Variants in RAPGEF6 observed in about 807,000 individuals in gnomAD.
RAPGEF6 encodes the protein Rap guanine nucleotide exchange factor 6.
In RAPGEF6, 56 loss-of-function variants were observed where a neutral mutation model predicts 171.4. The ratio of observed to expected loss-of-function variants is 0.33; its 90% CI spans 0.26 to 0.41. RAPGEF6 has a LOEUF of 0.41. Ranked by LOEUF, RAPGEF6 falls within the 10% of genes least tolerant of loss-of-function variation. RAPGEF6 has a pLI of 1.00. For missense variants in RAPGEF6, 1,674 were observed against 1,921.4 expected (o/e 0.87, Z 2.41); for synonymous variants, 692 against 650.1 (o/e 1.06, Z -0.98).
At chr5:131,586,336 A>C (rs567472165) in intron 4 of RAPGEF6, among the ~76,000 whole-genome samples, 1 of 152,362 alleles carries the variant, frequency 6.6e-6, no homozygotes, top group South Asian at 2.1e-4. Flanking sequence ...TGAGGAACAG[A>C]CCTGAGAAGT....
Position 131,521,840 on chromosome 5 carries a change from TACACACACACACACACACACACACACAC to T in RAPGEF6, c.496-347_496-320del, listed in dbSNP as rs3992018. The stretch of plus-strand genomic sequence containing the variant: ...CCATTTAAGGGTAGGAATGTTACCC[TACACACACACACACACACACACACACAC>T]ACACACACACACACACACACACACT... On this transcript the variant is annotated intron_variant, in intron 6 of 27. Coordinates refer to ENST00000509018, the MANE Select transcript of RAPGEF6 (RefSeq NM_016340.6). 3.1e-5 allele frequency among the ~76,000 whole-genome samples: 3 copies of T among 97,254 alleles called. No individual in the cohort carries two copies. The South Asian group carries it at 1.5e-3, about 49-fold the overall frequency. 63.8% of individuals were successfully genotyped at this position (97,254 alleles called of 152,430 possible).
chr5:131,510,211 C>G (rs1757628824), intron 8 of RAPGEF6, 103 bp downstream of exon 8: 2 of 1,223,870 alleles, frequency 1.6e-6, no homozygotes, highest in Admixed American at 2.6e-5. Context: ...AATGGCTTAA[C>G]ACAACACACA....
chr5:131,539,519 G>A (rs1759993299), intron 6 of RAPGEF6, among the ~76,000 whole-genome samples: 2 of 152,182 alleles, frequency 1.3e-5, no homozygotes, highest in Non-Finnish European at 2.9e-5. Flanking sequence ...TTTCTCATGA[G>A]GAGGTGGGGG....
At chr5:131,572,809 T>C (rs1458167706) in intron 4 of RAPGEF6, among the ~76,000 whole-genome samples, 1 of 152,162 alleles carries the variant, frequency 6.6e-6, no homozygotes, top group Non-Finnish European at 1.5e-5. Context: ...ACACCTGACC[T>C]AAAACCTAAA....
chr5:131,562,645 A>T (rs1444984610), intron 4 of RAPGEF6, among the ~76,000 whole-genome samples: 1 of 152,202 alleles, frequency 6.6e-6, no homozygotes, highest in East Asian at 1.9e-4. Flanking sequence ...CATATGCTTT[A>T]AATCAACTTG....
chr5:131,625,251 A>G (rs1466642559), intron 1 of RAPGEF6, among the ~76,000 whole-genome samples: 2 of 152,038 alleles, frequency 1.3e-5, no homozygotes, highest in Admixed American at 6.6e-5. Context: ...GACAAGAGAG[A>G]AACTCCGTCT....
At chr5:131,456,310 C>A (rs1423578409) in intron 19 of RAPGEF6, among the ~76,000 whole-genome samples, 1 of 152,080 alleles carries the variant, frequency 6.6e-6, no homozygotes, top group African/African-American at 2.4e-5. Flanking sequence ...TTAAAAAAAA[C>A]TTCAAGCATC....
chr5:131,492,865 A>G (rs1756376609), intron 13 of RAPGEF6, 80 bp from the exon 14 acceptor site: 1 of 1,341,478 alleles, frequency 7.5e-7, no homozygotes, highest in Non-Finnish European at 1.0e-6. Flanking sequence ...AATTATTAGA[A>G]TTAGAGTTAT....
At chr5:131,495,248 T>C (rs1756558730) in intron 13 of RAPGEF6, among the ~76,000 whole-genome samples, 1 of 151,088 alleles carries the variant, frequency 6.6e-6, no homozygotes, top group African/African-American at 2.4e-5. Flanking sequence ...TGAGCCAAGA[T>C]TGCACCACTG....
intron 4 of RAPGEF6, among the ~76,000 whole-genome samples, chr5:131,571,933 T>C (rs931785958): frequency 6.6e-6 from 1 of 152,124 alleles, no homozygotes; most frequent in African/African-American, 2.4e-5. Flanking sequence ...AATGTTACTT[T>C]GTAACATCCT....
At chr5:131,597,458 C>T (rs865964944) in intron 3 of RAPGEF6, among the ~76,000 whole-genome samples, 1 of 151,860 alleles carries the variant, frequency 6.6e-6, no homozygotes, top group African/African-American at 2.4e-5. Context: ...CCCAAGTGTC[C>T]AACAATGAAT....
At chr5:131,471,562 C>A (rs1754738617) in intron 17 of RAPGEF6, among the ~76,000 whole-genome samples, 2 of 152,040 alleles carry the variant, frequency 1.3e-5, no homozygotes, top group Non-Finnish European at 1.5e-5. Context: ...TTTCTCCCAC[C>A]TTTCCTTGGA....
chr5:131,476,431 C>T (rs576575140), intron 16 of RAPGEF6, among the ~76,000 whole-genome samples: 2 of 152,040 alleles, frequency 1.3e-5, no homozygotes, highest in East Asian at 1.9e-4. Context: ...GAAACCCTGT[C>T]GCTACTAAAA....
At chr5:131,581,976 T>C (rs151214455) in intron 4 of RAPGEF6, among the ~76,000 whole-genome samples, 1 of 152,174 alleles carries the variant, frequency 6.6e-6, no homozygotes, top group South Asian at 2.1e-4. Context: ...CCCTTGAGAA[T>C]GTACTTTGTA....
intron 24 of RAPGEF6, chr5:131,436,106 GATTGTGAT>G: frequency 6.5e-7 from 1 of 1,537,940 alleles, no homozygotes; most frequent in Non-Finnish European, 8.7e-7. Context: ...TCTGTAGCTT[GATTGTGAT>G]CTGTGTCCTC....
At position 131,429,152 on chromosome 5, in the gene RAPGEF6, T is replaced by A; in HGVS notation, c.4530A>T (p.Gly1510=). 1 of 1,613,942 alleles carries A rather than the reference T, an allele frequency of 6.2e-7. No individual in the cohort carries two copies. The highest frequency in any genetic ancestry group is 8.5e-7 in the Non-Finnish European group (1 of 1,179,844). The change falls in exon 27 of 28, where the codon GGA becomes GGT. Residue 1510 remains glycine (G), a synonymous_variant. Coordinates refer to ENST00000509018, the MANE Select transcript of RAPGEF6 (RefSeq NM_016340.6). ...GGTCCGCTAAAGAAATCCCCAAATA[T>A]CCTGGAGGAGTGGGAGGTGGCTCCC... The part of the protein sequence containing the change: ...RYREPPPTPP[G]YLGISLADLK...
chr5:131,611,295 T>G (rs1230381562), intron 1 of RAPGEF6, among the ~76,000 whole-genome samples: 2 of 152,238 alleles, frequency 1.3e-5, no homozygotes, highest in South Asian at 4.1e-4. Flanking sequence ...ACACGAACAC[T>G]TTGTAGTATT....
At chr5:131,429,537 C>A (rs888561111) in intron 26 of RAPGEF6, among the ~76,000 whole-genome samples, 4 of 152,138 alleles carry the variant, frequency 2.6e-5, no homozygotes, top group Non-Finnish European at 1.5e-5. Flanking sequence ...GTCACACCAG[C>A]CCTAAAGATA....
At chr5:131,546,000 A>G (rs967205363) in intron 6 of RAPGEF6, among the ~76,000 whole-genome samples, 1 of 152,232 alleles carries the variant, frequency 6.6e-6, no homozygotes, top group African/African-American at 2.4e-5. Flanking sequence ...GGAAATCAGT[A>G]TATCTAGAAG....
Sources: allele counts gnomAD v4.1 joint callset (sites outside exome capture counted in the v4.1 genomes callset), GRCh38; gene constraint gnomAD v4.1.1; transcripts MANE v1.5; gene names NCBI Gene and HGNC (gene_info 2026-07-23, HGNC 2026-07-21).